The following RARB variants were observed in gnomAD, a reference collection of about 807,000 sequenced individuals.
RARB encodes HBV-activated protein.
Under a neutral mutation model 51.9 loss-of-function variants are expected in RARB, and 17 were observed. The observed-to-expected ratio is 0.33, with a 90% CI of 0.22 to 0.49. The LOEUF (loss-of-function observed/expected upper bound fraction) is 0.49. Among genes scored for constraint, RARB ranks in the 20% least tolerant of loss-of-function variants. RARB has a pLI of 0.99. For missense variants in RARB, 369 were observed against 550.8 expected (o/e 0.67, Z 3.30); for synonymous variants, 215 against 195.4 (o/e 1.10, Z -0.84).
intron 2 of RARB, among the ~76,000 whole-genome samples, chr3:24,886,217 T>G (rs920504314): frequency 6.6e-6 from 1 of 152,108 alleles, no homozygotes; most frequent in African/African-American, 2.4e-5. Context: ...ATACCTGGCT[T>G]TATAGTTGCT....
At chr3:25,299,529 A>T (rs1703991358) in intron 5 of RARB, among the ~76,000 whole-genome samples, 2 of 152,168 alleles carry the variant, frequency 1.3e-5, no homozygotes, top group Admixed American at 6.5e-5. Flanking sequence ...ATTTGAAATT[A>T]TGAATGGAAG....
At chr3:25,114,210 G>T (rs1180281669) in intron 3 of RARB, among the ~76,000 whole-genome samples, 1 of 152,108 alleles carries the variant, frequency 6.6e-6, no homozygotes, top group African/African-American at 2.4e-5. Context: ...TGGGTAGCTT[G>T]GAGCAATGGA....
At chr3:25,275,520 C>T (rs1488245585) in intron 5 of RARB, among the ~76,000 whole-genome samples, 5 of 152,176 alleles carry the variant, frequency 3.3e-5, no homozygotes, top group East Asian at 1.9e-4. Context: ...CTGCACCATC[C>T]GGAAGCTACC....
At chr3:25,036,590 A>G (rs976743872) in intron 2 of RARB, among the ~76,000 whole-genome samples, 8 of 152,214 alleles carry the variant, frequency 5.3e-5, no homozygotes, top group African/African-American at 1.9e-4. Flanking sequence ...ATTCCAGTGG[A>G]AAGGGACAAC....
At chr3:25,377,004 A>T (rs569537280) in intron 5 of RARB, among the ~76,000 whole-genome samples, 1 of 151,828 alleles carries the variant, frequency 6.6e-6, no homozygotes, top group South Asian at 2.1e-4. Flanking sequence ...TCTTCTTTCA[A>T]TGTATTAGTT....
chr3:25,179,379 G>A (rs543885004), intron 5 of RARB, among the ~76,000 whole-genome samples: 1 of 152,112 alleles, frequency 6.6e-6, no homozygotes, highest in Non-Finnish European at 1.5e-5. Flanking sequence ...CCATAGTCTT[G>A]TCTTCTTTCT....
At chr3:25,525,938 G>C (rs761940636) in intron 3 of RARB, among the ~76,000 whole-genome samples, 1 of 152,190 alleles carries the variant, frequency 6.6e-6, no homozygotes, top group Non-Finnish European at 1.5e-5. Flanking sequence ...TGTAGGCTAG[G>C]GGGTGAGTGG....
At chr3:25,171,396 A>G (rs1426351488) in intron 4 of RARB, among the ~76,000 whole-genome samples, 1 of 148,032 alleles carries the variant, frequency 6.8e-6, no homozygotes, top group Non-Finnish European at 1.5e-5. Context: ...GACTGCTCAG[A>G]CAATTTTCCA....
chr3:25,424,908 G>A (rs1182757891), upstream of RARB, among the ~76,000 whole-genome samples: 2 of 152,214 alleles, frequency 1.3e-5, no homozygotes, highest in Non-Finnish European at 2.9e-5. Context: ...TGTAGACCCT[G>A]AACCCTGGCT....
intron 1 of RARB, among the ~76,000 whole-genome samples, chr3:24,857,016 T>C (rs1702647549): frequency 6.6e-6 from 1 of 152,176 alleles, no homozygotes; most frequent in Non-Finnish European, 1.5e-5. Context: ...CTGCACCTGA[T>C]AGTTCACGTT....
At chr3:25,437,987 A>G (rs761459202) in intron 1 of RARB, among the ~76,000 whole-genome samples, 5 of 152,212 alleles carry the variant, frequency 3.3e-5, no homozygotes, top group South Asian at 2.1e-4. Context: ...ATTTATTATG[A>G]CATTATTCTG....
intron 2 of RARB, among the ~76,000 whole-genome samples, chr3:25,500,473 T>TTTTTTTTTTTTTTTTTTTG (rs1697255878): frequency 7.7e-6 from 1 of 129,736 alleles, no homozygotes; most frequent in Non-Finnish European, 1.7e-5. Context: ...TTTTTTTTTT[T>TTTTTTTTTTTTTTTTTTTG]TTTTTTTTGG....
At chr3:25,077,277 G>C (rs1019083038) in intron 3 of RARB, among the ~76,000 whole-genome samples, 1 of 152,102 alleles carries the variant, frequency 6.6e-6, no homozygotes, top group Non-Finnish European at 1.5e-5. Flanking sequence ...AAGAAATTTT[G>C]ACATATGCTC....
intron 3 of RARB, among the ~76,000 whole-genome samples, chr3:25,066,903 T>C (rs1698675080): frequency 6.6e-6 from 1 of 152,204 alleles, no homozygotes; most frequent in African/African-American, 2.4e-5. Context: ...TTCACGGTGC[T>C]GAAGCAGAAT....
intron 4 of RARB, among the ~76,000 whole-genome samples, chr3:25,578,132 A>T (rs1405433109): frequency 2.6e-5 from 4 of 152,188 alleles, no homozygotes; most frequent in Admixed American, 6.5e-5. Flanking sequence ...CTGAAAATCC[A>T]CGCTTCGCTG....
At chr3:25,170,447 C>T (rs992892060) in intron 4 of RARB, among the ~76,000 whole-genome samples, 3 of 152,064 alleles carry the variant, frequency 2.0e-5, no homozygotes, top group Non-Finnish European at 4.4e-5. Flanking sequence ...TAGGTCTCTC[C>T]GGTGGGGCCT....
chr3:25,198,078 A>G (rs768583587), intron 5 of RARB, among the ~76,000 whole-genome samples: 2 of 152,108 alleles, frequency 1.3e-5, no homozygotes, highest in Non-Finnish European at 2.9e-5. Context: ...GAACAGACAT[A>G]TAGACCTATG....
chr3:25,453,815 C>G (rs1443702746), intron 1 of RARB, among the ~76,000 whole-genome samples: 3 of 152,150 alleles, frequency 2.0e-5, no homozygotes, highest in Non-Finnish European at 4.4e-5. Flanking sequence ...GTCAAGACTG[C>G]CAAAGCCCAA....
At chr3:25,227,309 G>A (rs893345470) in intron 5 of RARB, among the ~76,000 whole-genome samples, 1 of 152,172 alleles carries the variant, frequency 6.6e-6, no homozygotes, top group Non-Finnish European at 1.5e-5. Flanking sequence ...ACTAAGTGTA[G>A]TAGATGTGTT....
Sources: allele counts gnomAD v4.1 joint callset (sites outside exome capture counted in the v4.1 genomes callset), GRCh38; gene constraint gnomAD v4.1.1; transcripts MANE v1.5; gene names NCBI Gene and HGNC (gene_info 2026-07-23, HGNC 2026-07-21).